The following MACROD1 variants were observed in gnomAD, a reference collection of about 807,000 sequenced individuals.
The protein encoded by MACROD1 is mono-ADP ribosylhydrolase 1.
In MACROD1, 31 loss-of-function variants were observed where a neutral mutation model predicts 41.4. That is an observed-to-expected ratio of 0.75 (90% CI 0.56 to 1.01). The LOEUF (loss-of-function observed/expected upper bound fraction) is 1.01, where lower values mean the gene tolerates loss of function less well. Among genes scored for constraint, MACROD1 ranks in the 50% least tolerant of loss-of-function variants. MACROD1 has a pLI of 0.00. For missense variants in MACROD1, 473 were observed against 460.0 expected, an observed-to-expected ratio of 1.03 and a Z score of -0.26; for synonymous variants, 252 against 203.4, an observed-to-expected ratio of 1.24 and a Z score of -2.03.
intron 3 of MACROD1, among the ~76,000 whole-genome samples, chr11:64,089,374 G>C (rs1316776276): frequency 3.3e-5 from 5 of 152,182 alleles, no homozygotes. Context: ...AAGTCCCCTA[G>C]ACCTGGGGCA....
chr11:64,102,592 G>A (rs941275588), intron 3 of MACROD1, among the ~76,000 whole-genome samples: 3 of 152,218 alleles, frequency 2.0e-5, no homozygotes, highest in African/African-American at 7.2e-5. Context: ...GCCCTGCACG[G>A]CCAGGAGCTC....
chr11:64,074,579 CGCAG>C (rs1192666304), intron 3 of MACROD1, among the ~76,000 whole-genome samples: 1 of 152,196 alleles, frequency 6.6e-6, no homozygotes, highest in Non-Finnish European at 1.5e-5. Context: ...TCCATGTCCC[CGCAG>C]GCCCTCCGTG....
At chr11:64,072,913 CA>C in intron 3 of MACROD1, among the ~76,000 whole-genome samples, 1 of 152,298 alleles carries the variant, frequency 6.6e-6, no homozygotes, top group African/African-American at 2.4e-5. Flanking sequence ...TCAAAAGAGT[CA>C]GGTTCTCAAG....
chr11:64,026,052 G>A (rs473578), intron 3 of MACROD1, among the ~76,000 whole-genome samples: 6,500 of 152,180 alleles, frequency 0.043, 481 homozygotes, highest in African/African-American at 0.15. Flanking sequence ...GTGGTGGTGC[G>A]CGCCGGTAAT....
At chr11:64,028,395 C>G (rs1943249216) in intron 3 of MACROD1, among the ~76,000 whole-genome samples, 1 of 152,272 alleles carries the variant, frequency 6.6e-6, no homozygotes, top group Non-Finnish European at 1.5e-5. Flanking sequence ...CTCTGTTCCC[C>G]TGCCCTCCCA....
intron 3 of MACROD1, among the ~76,000 whole-genome samples, chr11:64,018,637 T>C (rs1166112507): frequency 6.6e-6 from 1 of 152,128 alleles, no homozygotes; most frequent in Non-Finnish European, 1.5e-5. Flanking sequence ...TCACCTCAGC[T>C]AGTTCCTGGC....
At chr11:64,053,137 AG>A (rs1943724278) in intron 3 of MACROD1, among the ~76,000 whole-genome samples, 1 of 152,172 alleles carries the variant, frequency 6.6e-6, no homozygotes, top group Non-Finnish European at 1.5e-5. Flanking sequence ...TGCAGTCACC[AG>A]GCTCATGCGG....
intron 3 of MACROD1, among the ~76,000 whole-genome samples, chr11:64,030,247 A>G (rs1943276795): frequency 6.7e-6 from 1 of 149,860 alleles, no homozygotes; most frequent in African/African-American, 2.4e-5. Context: ...CCAGAACCCC[A>G]GGAGCCATCA....
chr11:64,089,774 G>A (rs1944458300), intron 3 of MACROD1, among the ~76,000 whole-genome samples: 1 of 152,142 alleles, frequency 6.6e-6, no homozygotes, highest in South Asian at 2.1e-4. Context: ...TGGGGGCAGG[G>A]CTGAGAGGAG....
intron 3 of MACROD1, among the ~76,000 whole-genome samples, chr11:64,087,913 G>A (rs1944422534): frequency 6.6e-6 from 1 of 152,218 alleles, no homozygotes; most frequent in Admixed American, 6.5e-5. Flanking sequence ...ACAGGGGAGA[G>A]GTGGAGAGGC....
intron 3 of MACROD1, among the ~76,000 whole-genome samples, chr11:64,100,899 A>G (rs562337346): frequency 6.6e-6 from 1 of 152,150 alleles, no homozygotes. Context: ...CTGAGGACAT[A>G]CAAAGCTGGA....
rs913520212 is a variant in MACROD1, at chr11:64,102,946, C to T, written c.517+48293G>A. 5.3e-5 allele frequency among the ~76,000 whole-genome samples: 8 copies of T among 152,190 alleles called. No homozygotes were observed. The East Asian group carries it at 1.5e-3, about 29-fold the overall frequency. On this transcript the variant is annotated intron_variant, in intron 3 of 10. Coordinates refer to ENST00000255681, the MANE Select transcript of MACROD1 (RefSeq NM_014067.4). ...ATTAGCCGGGTGTGGTGGCTCACGCCTGTAGTCCTAGCTCCTTGGGAGGCT... is the reference window on the plus strand; with the variant it reads ...ATTAGCCGGGTGTGGTGGCTCACGCTTGTAGTCCTAGCTCCTTGGGAGGCT...
intron 3 of MACROD1, among the ~76,000 whole-genome samples, chr11:64,142,402 G>T (rs1945425774): frequency 6.6e-6 from 1 of 152,098 alleles, no homozygotes; most frequent in South Asian, 2.1e-4. Flanking sequence ...TGAAACCCAG[G>T]ACAGAGAGCT....
At chr11:64,111,838 C>A (rs545353432) in intron 3 of MACROD1, among the ~76,000 whole-genome samples, 2 of 152,322 alleles carry the variant, frequency 1.3e-5, no homozygotes, top group South Asian at 4.1e-4. Flanking sequence ...AGATAAGGGT[C>A]AGAGCAGCCT....
At chr11:64,023,356 G>T (rs938009207) in intron 3 of MACROD1, among the ~76,000 whole-genome samples, 1 of 152,116 alleles carries the variant, frequency 6.6e-6, no homozygotes. Context: ...CCCACCTCCT[G>T]GGGCCTCAGT....
At position 64,117,358 on chromosome 11, in the gene MACROD1, G is replaced by A. The variant is rs767022154; in HGVS notation, c.517+33881C>T. On this transcript the variant is annotated intron_variant, in intron 3 of 10. Coordinates refer to ENST00000255681, the MANE Select transcript of MACROD1 (RefSeq NM_014067.4). ...ATGTGCCAGGGCCCTGAGAAGGTCC[G>A]GGGCATGGCCATCAAGGACATTACC... 67 of 1,613,430 alleles carry A rather than the reference G, an allele frequency of 4.2e-5. No homozygotes were observed. Among genetic ancestry groups the A allele is most frequent in the Non-Finnish European group, 5.2e-5 (61 of 1,179,624 alleles).
At chr11:64,109,361 C>A (rs1366679821) in intron 3 of MACROD1, among the ~76,000 whole-genome samples, 1 of 152,212 alleles carries the variant, frequency 6.6e-6, no homozygotes, top group East Asian at 1.9e-4. Flanking sequence ...GTGTAGACAC[C>A]CACACTCAGC....
chr11:64,029,816 G>A (rs1228297186), intron 3 of MACROD1, among the ~76,000 whole-genome samples: 6 of 152,196 alleles, frequency 3.9e-5, no homozygotes. Context: ...TGGAGTAAAG[G>A]AAGGTCTAAA....
intron 3 of MACROD1, among the ~76,000 whole-genome samples, chr11:64,107,500 G>A (rs1944784243): frequency 6.6e-6 from 1 of 152,158 alleles, no homozygotes; most frequent in Non-Finnish European, 1.5e-5. Flanking sequence ...CACCCAGCCG[G>A]CCTATGTGGT....
Sources: allele counts gnomAD v4.1 joint callset (sites outside exome capture counted in the v4.1 genomes callset), GRCh38; gene constraint gnomAD v4.1.1; transcripts MANE v1.5; gene names NCBI Gene and HGNC (gene_info 2026-07-23, HGNC 2026-07-21).